IRAK2: variants seen among roughly 807,000 people sequenced by gnomAD.
IRAK2 encodes interleukin 1 receptor associated kinase 2.
Under a neutral mutation model 72.0 loss-of-function variants are expected in IRAK2, and 57 were observed. The observed-to-expected ratio is 0.79, with a 90% CI of 0.64 to 0.99. IRAK2 has a LOEUF of 0.99. Ranked by LOEUF, IRAK2 falls within the 50% of genes least tolerant of loss-of-function variation. IRAK2 has a pLI of 0.00. For missense variants in IRAK2, 790 were observed against 794.4 expected (o/e 0.99, Z 0.07); for synonymous variants, 293 against 312.7 (o/e 0.94, Z 0.67).
chr3:10,176,124 A>T (rs931361079), intron 1 of IRAK2, among the ~76,000 whole-genome samples: 18 of 150,118 alleles, frequency 1.2e-4, no homozygotes, highest in Non-Finnish European at 2.4e-4. Context: ...TAAAACACCA[A>T]AAGAAAGAAT....
Position 10,217,051 on chromosome 3 carries a change from A to G in IRAK2, c.903+3A>G. The G allele has an allele frequency of 6.3e-7, 1 of 1,598,336 alleles. No individual in the cohort carries two copies. The highest frequency in any genetic ancestry group is 8.6e-7 in the Non-Finnish European group (1 of 1,165,652). ...TACAGGACAGACTGCAGGGTCAGGT[A>G]AGGGACTGGGTCATGGTCAGAGAAT... On this transcript the variant is annotated splice_donor_region_variant and intron_variant, in intron 7 of 12. Transcript: ENST00000256458.
intron 11 of IRAK2, among the ~76,000 whole-genome samples, chr3:10,238,112 G>A (rs1048771127): frequency 2.0e-5 from 3 of 151,674 alleles, no homozygotes; most frequent in African/African-American, 4.8e-5. Context: ...ACACGTGCAC[G>A]CACACACACA....
At chr3:10,200,804 G>A (rs910342143) in intron 3 of IRAK2, among the ~76,000 whole-genome samples, 3 of 152,242 alleles carry the variant, frequency 2.0e-5, no homozygotes, top group African/African-American at 7.2e-5. Flanking sequence ...AGGAGGCTGA[G>A]GTAGGGGGAT....
At chr3:10,239,083 C>T in intron 12 of IRAK2, 44 bp downstream of exon 12, 1 of 1,484,976 alleles carries the variant, frequency 6.7e-7, no homozygotes, top group Non-Finnish European at 9.0e-7. Context: ...ATGTGTGTGT[C>T]CCCAACTTCA....
At chr3:10,169,087 G>A (rs1043168108) in intron 1 of IRAK2, among the ~76,000 whole-genome samples, 7 of 152,100 alleles carry the variant, frequency 4.6e-5, no homozygotes, top group African/African-American at 7.2e-5. Context: ...TGGTGACCCC[G>A]AGCCACAAAA....
rs898893628 is a variant in IRAK2, at chr3:10,242,820, A to G, written c.*592A>G. 2.6e-5 allele frequency: 4 copies of G among 152,152 alleles called. No homozygotes were observed. Among genetic ancestry groups the G allele is most frequent in the African/African-American group, 9.7e-5 (4 of 41,412 alleles). 9.4% of individuals were successfully genotyped at this position (152,152 alleles called of 1,614,324 possible). On this transcript the variant is annotated 3_prime_UTR_variant, in exon 13 of 13. Coordinates refer to ENST00000256458, the MANE Select transcript of IRAK2 (RefSeq NM_001570.4). ...CTGTGCCTGGCCTGGAAGACTTTCA[A>G]CTTGTGTCTCAGTGCAGTTCTTGAC...
chr3:10,227,742 C>A (rs1029868590), intron 10 of IRAK2, among the ~76,000 whole-genome samples: 1 of 150,880 alleles, frequency 6.6e-6, no homozygotes, highest in East Asian at 2.0e-4. Flanking sequence ...AATCTCGGCT[C>A]ACTACAAGCT....
intron 10 of IRAK2, among the ~76,000 whole-genome samples, chr3:10,230,436 C>A (rs1384725363): frequency 2.0e-5 from 3 of 152,068 alleles, no homozygotes; most frequent in Non-Finnish European, 2.9e-5. Flanking sequence ...GATCCTCCCA[C>A]CTTAGCCTCC....
intron 7 of IRAK2, among the ~76,000 whole-genome samples, chr3:10,218,423 CA>C (rs56893916): frequency 2.9e-3 from 144 of 49,310 alleles, no homozygotes; most frequent in African/African-American, 0.011. Flanking sequence ...GACTCCGTCT[CA>C]AAAAAAAAAA....
chr3:10,165,793 C>T (rs1327440650), intron 1 of IRAK2, among the ~76,000 whole-genome samples: 4 of 142,074 alleles, frequency 2.8e-5, no homozygotes, highest in Admixed American at 7.4e-5. Context: ...TGCAGTGGCG[C>T]GATCTAGGCT....
chr3:10,223,086 T>G (rs1265907619), intron 9 of IRAK2, among the ~76,000 whole-genome samples: 3 of 152,154 alleles, frequency 2.0e-5, no homozygotes, highest in African/African-American at 7.2e-5. Context: ...CTGAACATGC[T>G]CCCCAAAAGC....
At chr3:10,220,573 G>T (rs1286973833) in intron 8 of IRAK2, among the ~76,000 whole-genome samples, 1 of 152,084 alleles carries the variant, frequency 6.6e-6, no homozygotes, top group East Asian at 1.9e-4. Flanking sequence ...CTCCTGAGTA[G>T]CTGGGATTAC....
Position 10,198,148 on chromosome 3 carries a change from A to G in IRAK2, c.278-2221A>G, listed in dbSNP as rs569563065. ...CGAGAATCGGAGCTTGCAGTGAGCC[A>G]AGATCACACCACTGCACTCCAGCCT... On this transcript the variant is annotated intron_variant, in intron 2 of 12. Coordinates refer to ENST00000256458, the MANE Select transcript of IRAK2 (RefSeq NM_001570.4). Among the ~76,000 whole-genome samples, 5 of 151,910 alleles carry G rather than the reference A, an allele frequency of 3.3e-5. No individual in the cohort carries two copies. The East Asian group carries it at 5.9e-4, about 18-fold the overall frequency.
At chr3:10,199,207 TCA>T (rs2125151073) in intron 2 of IRAK2, among the ~76,000 whole-genome samples, 1 of 152,178 alleles carries the variant, frequency 6.6e-6, no homozygotes, top group East Asian at 1.9e-4. Flanking sequence ...GGAAGCTGTT[TCA>T]CAGAGCAGCT....
intron 1 of IRAK2, among the ~76,000 whole-genome samples, chr3:10,170,818 G>C (rs1696783494): frequency 6.6e-6 from 1 of 152,218 alleles, no homozygotes; most frequent in Non-Finnish European, 1.5e-5. Flanking sequence ...CACTGGATCA[G>C]AGCCAGCGGT....
chr3:10,199,668 G>A (rs777890770), intron 2 of IRAK2, among the ~76,000 whole-genome samples: 6 of 152,068 alleles, frequency 3.9e-5, no homozygotes, highest in African/African-American at 7.2e-5. Flanking sequence ...AGTCTACAGC[G>A]CCCATTCCCA....
At position 10,213,511 on chromosome 3, in the gene IRAK2, G is replaced by A. The variant is rs368933968; in HGVS notation, c.751G>A (p.Glu251Lys). ...ETACSSPGSI[E>K]RFFQAELQIC... ...AGCCTGTTCAAGTCCAGGATCAATC[G>A]AAAGATTCTTCCAGGCAGAGTTGCA... Residue 251 changes from glutamate (E) to lysine (K), a missense_variant, in exon 6 of 13, where the codon GAA becomes AAA. Transcript: ENST00000256458. The A allele has an allele frequency of 3.3e-5, 53 of 1,613,962 alleles. No homozygotes were observed. The highest frequency in any genetic ancestry group is 1.8e-4 in the South Asian group (16 of 91,080).
Position 10,221,923 on chromosome 3 carries a change from A to AT in IRAK2, c.1014-705dup, listed in dbSNP as rs553491773. 3.7e-4 allele frequency among the ~76,000 whole-genome samples: 56 copies of AT among 150,058 alleles called. 1 individual carries two copies. Among genetic ancestry groups the AT allele is most frequent in the African/African-American group, 1.3e-3 (53 of 40,780 alleles). On this transcript the variant is annotated intron_variant, in intron 8 of 12. Coordinates refer to ENST00000256458, the MANE Select transcript of IRAK2 (RefSeq NM_001570.4). ...GGGGGTTAGATGACTAGATCAAATG[A>AT]TTTTTTTTGAGACAGTGTACCACTC...
Position 10,238,947 on chromosome 3 carries a change from C to T in IRAK2, c.1673C>T (p.Thr558Ile). Residue 558 changes from threonine to isoleucine, a missense_variant, in exon 12 of 13, where the codon ACA becomes ATA. Transcript: ENST00000256458. Reference sequence around the variant, plus strand: ...GGGGCTGCCACCCCACTTCTCCCCACAGAGAATGGGGAAGGAAGGCTGCGG... The same window carrying T: ...GGGGCTGCCACCCCACTTCTCCCCATAGAGAATGGGGAAGGAAGGCTGCGG... ...WAGAATPLLP[T>I]ENGEGRLRVI... 6.2e-7 allele frequency: 1 copy of T among 1,613,948 alleles called. No individual in the cohort carries two copies. Among genetic ancestry groups the T allele is most frequent in the Non-Finnish European group, 8.5e-7 (1 of 1,179,828 alleles).
Sources: gnomAD v4.1 joint callset for allele counts (sites outside exome capture counted in the v4.1 genomes callset) on GRCh38, gnomAD v4.1.1 for gene constraint, MANE v1.5 for transcripts, NCBI Gene and HGNC (gene_info 2026-07-23, HGNC 2026-07-21) for gene names.